The following CRTAM variants were observed in gnomAD, a reference collection of about 807,000 sequenced individuals.
The protein encoded by CRTAM is cytotoxic and regulatory T-cell molecule.
A neutral mutation model predicts 50.0 loss-of-function variants in CRTAM; 44 were observed. The observed-to-expected ratio is 0.88, with a 90% CI of 0.69 to 1.13. The LOEUF (loss-of-function observed/expected upper bound fraction) is 1.13, where lower values mean the gene tolerates loss of function less well. Among genes scored for constraint, CRTAM ranks in the 50% most tolerant of loss-of-function variants. The pLI is 0.00. For missense variants in CRTAM, 448 were observed against 457.5 expected (o/e 0.98, Z 0.19); for synonymous variants, 159 against 169.3 (o/e 0.94, Z 0.47).
At chr11:122,852,127 C>A (rs191332515) in intron 3 of CRTAM, among the ~76,000 whole-genome samples, 103 of 152,108 alleles carry the variant, frequency 6.8e-4, no homozygotes, top group Non-Finnish European at 1.3e-3. Flanking sequence ...TGCGACTATG[C>A]GCCAGGCACC....
chr11:122,851,076 A>G (rs1861923852), intron 2 of CRTAM, among the ~76,000 whole-genome samples: 1 of 152,120 alleles, frequency 6.6e-6, no homozygotes, highest in South Asian at 2.1e-4. Flanking sequence ...CAGCCTGGCC[A>G]ATATTATGAA....
rs1021047135 is a variant in CRTAM, at chr11:122,872,479, C to G, written c.*1080C>G. 6.6e-6 allele frequency: 1 copy of G among 152,592 alleles called. No homozygotes were observed. The highest frequency in any genetic ancestry group is 1.5e-5 in the Non-Finnish European group (1 of 68,038). 9.5% of individuals were successfully genotyped at this position (152,592 alleles called of 1,614,324 possible). On this transcript the variant is annotated 3_prime_UTR_variant, in exon 10 of 10. Coordinates refer to ENST00000227348, the MANE Select transcript of CRTAM (RefSeq NM_019604.4). Reference sequence around the variant, plus strand: ...AAAAGCAGAATAGATGTTTGTTTTTCTAGTGGTTATACCAAGTTATACTTC... The same window carrying G: ...AAAAGCAGAATAGATGTTTGTTTTTGTAGTGGTTATACCAAGTTATACTTC...
At chr11:122,864,601 A>G (rs1040559357) in intron 6 of CRTAM, 35 bp from the exon 7 acceptor site, 1 of 1,456,582 alleles carries the variant, frequency 6.9e-7, no homozygotes, top group Non-Finnish European at 9.6e-7. Flanking sequence ...TATATAATGC[A>G]TGCATAGCTC....
At chr11:122,862,692 C>T in intron 6 of CRTAM, 148 bp downstream of exon 6, 3 of 603,636 alleles carry the variant, frequency 5.0e-6, no homozygotes, top group Non-Finnish European at 8.8e-6. Flanking sequence ...AGCTTTGTAC[C>T]ATCCTAGAGA....
At chr11:122,845,234 G>A (rs1177647243) in intron 1 of CRTAM, among the ~76,000 whole-genome samples, 2 of 152,126 alleles carry the variant, frequency 1.3e-5, no homozygotes, top group Non-Finnish European at 2.9e-5. Flanking sequence ...ATATGGCGAA[G>A]GAACACCATA....
intron 6 of CRTAM, among the ~76,000 whole-genome samples, chr11:122,863,317 A>G (rs920137252): frequency 1.7e-4 from 18 of 107,846 alleles, no homozygotes; most frequent in African/African-American, 5.8e-4. Flanking sequence ...AAAAGAAAGA[A>G]AGAAAAAGAA....
Position 122,863,351 on chromosome 11 carries a change from A to G in CRTAM, c.733+807A>G, listed in dbSNP as rs1057347611. ...AAAGAAAGAAAGAAAGAAAGAAAGAAAAAGAAAGAAAGAAAGAAAAAGAAA... is the reference window on the plus strand; with the variant it reads ...AAAGAAAGAAAGAAAGAAAGAAAGAGAAAGAAAGAAAGAAAGAAAAAGAAA... On this transcript the variant is annotated intron_variant, in intron 6 of 9. Transcript: ENST00000227348. 2.6e-3 allele frequency among the ~76,000 whole-genome samples: 157 copies of G among 60,706 alleles called. 2 individuals carry two copies. The highest frequency in any genetic ancestry group is 6.3e-3 in the African/African-American group (155 of 24,770). 39.8% of individuals were successfully genotyped at this position (60,706 alleles called of 152,430 possible). A position where few individuals can be genotyped will look rare whatever the true frequency, so the allele number is the denominator to read the frequency against.
Position 122,864,651 on chromosome 11 carries a change from A to G in CRTAM, c.749A>G (p.Asp250Gly). Reference protein sequence around the residue: ...QPTSTVSVTEDSSTSEIDKEE... With the variant: ...QPTSTVSVTEGSSTSEIDKEE... ...TTCACTTTAGTCTCAGTAACGGAAG[A>G]TTCTAGTACATCGGAGATTGACAAG... is the stretch of plus-strand genomic sequence containing the variant. The change falls in exon 7 of 10, where the codon GAT becomes GGT. Residue 250 changes from aspartate to glycine, a missense_variant. Asp to Gly is a moderately conservative substitution (Grantham distance 94). Coordinates refer to ENST00000227348, the MANE Select transcript of CRTAM (RefSeq NM_019604.4). 6.2e-7 allele frequency: 1 copy of G among 1,613,106 alleles called. No individual in the cohort carries two copies. Among genetic ancestry groups the G allele is most frequent in the Non-Finnish European group, 8.5e-7 (1 of 1,179,144 alleles).
Position 122,854,012 on chromosome 11 carries a change from T to C in CRTAM, c.416T>C (p.Leu139Pro), listed in dbSNP as rs1861969856. ...CAAAATGGAGAAGAACATGTTGTAC[T>C]CATGTGCTCCACCATGAGAAGCAAG... ...RKQNGEEHVV[L>P]MCSTMRSKPP... The change falls in exon 4 of 10, where the codon CTC (leucine) becomes CCC (proline). Residue 139 changes from leucine to proline, a missense_variant. Transcript: ENST00000227348. 6.2e-7 allele frequency: 1 copy of C among 1,614,110 alleles called. No homozygotes were observed. The highest frequency in any genetic ancestry group is 8.5e-7 in the Non-Finnish European group (1 of 1,179,974).
intron 1 of CRTAM, among the ~76,000 whole-genome samples, chr11:122,839,114 A>C (rs1861769156): frequency 6.6e-6 from 1 of 151,956 alleles, no homozygotes; most frequent in African/African-American, 2.4e-5. Flanking sequence ...TTATATTTTT[A>C]GTAGAGACGG....
At chr11:122,849,316 TGCCATCC>T (rs1861901875) in intron 1 of CRTAM, among the ~76,000 whole-genome samples, 1 of 152,248 alleles carries the variant, frequency 6.6e-6, no homozygotes, top group Non-Finnish European at 1.5e-5. Context: ...ACACGGCCTT[TGCCATCC>T]ACAGCCCTGG....
chr11:122,841,748 A>G (rs1301641245), intron 1 of CRTAM, among the ~76,000 whole-genome samples: 1 of 152,140 alleles, frequency 6.6e-6, no homozygotes, highest in Non-Finnish European at 1.5e-5. Context: ...AAAATTTTAC[A>G]TTATGCTAAA....
At position 122,865,485 on chromosome 11, in the gene CRTAM, C is replaced by T. The variant is rs182963887; in HGVS notation, c.817+766C>T. ...TCTCCCAGGCCAGGGTGCAGGGGCACGATCATGTTCACCGCAGCCTTGAAC... is the reference window on the plus strand; with the variant it reads ...TCTCCCAGGCCAGGGTGCAGGGGCATGATCATGTTCACCGCAGCCTTGAAC... On this transcript the variant is annotated intron_variant, in intron 7 of 9. Transcript: ENST00000227348. Among the ~76,000 whole-genome samples the T allele has an allele frequency of 7.9e-5, 12 of 151,892 alleles. No homozygotes were observed. In the East Asian group the frequency reaches 1.9e-3, roughly 25 times the overall value.
At chr11:122,842,298 G>T (rs1861808192) in intron 1 of CRTAM, among the ~76,000 whole-genome samples, 2 of 151,804 alleles carry the variant, frequency 1.3e-5, no homozygotes, top group Non-Finnish European at 2.9e-5. Flanking sequence ...TGTTTGTTGA[G>T]ATGGAATTTC....
Position 122,868,071 on chromosome 11 carries a change from A to T in CRTAM, c.1023A>T (p.Glu341Asp). 3 of 1,612,920 alleles carry T rather than the reference A, an allele frequency of 1.9e-6. No individual in the cohort carries two copies. The highest frequency in any genetic ancestry group is 2.5e-6 in the Non-Finnish European group (3 of 1,178,992). ...ACAGATCAAGGTCAAATAATGAAGAAACATCATCTGAAGAGAAAAATGGCC... is the reference window on the plus strand; with the variant it reads ...ACAGATCAAGGTCAAATAATGAAGATACATCATCTGAAGAGAAAAATGGCC... ...ESYRSRSNNE[E>D]TSSEEKNGQS... is the part of the protein sequence containing the mutation. The change falls in exon 9 of 10, where the codon GAA becomes GAT. Residue 341 changes from glutamate (E) to aspartate (D), a missense_variant. Coordinates refer to ENST00000227348, the MANE Select transcript of CRTAM (RefSeq NM_019604.4).
At chr11:122,858,358 T>C (rs1229912377) in intron 5 of CRTAM, among the ~76,000 whole-genome samples, 2 of 152,084 alleles carry the variant, frequency 1.3e-5, no homozygotes, top group Non-Finnish European at 2.9e-5. Context: ...CCGGGGTGGC[T>C]GGGAGCACAG....
chr11:122,866,178 T>C (rs2135254108), intron 7 of CRTAM, among the ~76,000 whole-genome samples: 1 of 152,310 alleles, frequency 6.6e-6, no homozygotes, highest in East Asian at 1.9e-4. Context: ...ATGAGATACA[T>C]ATTTTTCTCT....
At chr11:122,871,027 C>T (rs975730340) in intron 9 of CRTAM, among the ~76,000 whole-genome samples, 10 of 151,944 alleles carry the variant, frequency 6.6e-5, no homozygotes, top group Admixed American at 2.6e-4. Flanking sequence ...TGCAGTGGGC[C>T]GTGATCACAC....
intron 1 of CRTAM, among the ~76,000 whole-genome samples, chr11:122,849,406 T>C (rs1218075156): frequency 6.6e-6 from 1 of 152,204 alleles, no homozygotes; most frequent in African/African-American, 2.4e-5. Context: ...AGCACAATTC[T>C]TCCTTTCTAG....
Sources: gnomAD v4.1 joint callset for allele counts (sites outside exome capture counted in the v4.1 genomes callset) on GRCh38, gnomAD v4.1.1 for gene constraint, MANE v1.5 for transcripts, NCBI Gene and HGNC (gene_info 2026-07-23, HGNC 2026-07-21) for gene names.